Variants in RANBP2 observed in about 807,000 individuals in gnomAD.
The protein encoded by RANBP2 is RAN binding protein 2.
A neutral mutation model predicts 303.6 loss-of-function variants in RANBP2; 57 were observed. That is an observed-to-expected ratio of 0.19 (90% CI 0.15 to 0.23). The LOEUF (loss-of-function observed/expected upper bound fraction) is 0.23, where lower values mean the gene tolerates loss of function less well. RANBP2 is among the 10% of genes least tolerant of loss of function. The pLI, the probability that RANBP2 is intolerant of heterozygous loss-of-function variation, is 1.00. For missense variants in RANBP2, 3,138 were observed against 3,780.8 expected, an observed-to-expected ratio of 0.83 and a Z score of 4.46; for synonymous variants, 1,167 against 1,301.5, an observed-to-expected ratio of 0.90 and a Z score of 2.23.
chr2:109,512,131 G>T, the RANBP2 span, among the ~76,000 whole-genome samples: 1 of 152,122 alleles, frequency 6.6e-6, no homozygotes, highest in Non-Finnish European at 1.5e-5. Flanking sequence ...ACACTTTTAG[G>T]GGGCTTGTCC....
At chr2:109,719,817 C>A in the RANBP2 span, among the ~76,000 whole-genome samples, 2 of 152,152 alleles carry the variant, frequency 1.3e-5, no homozygotes, top group Non-Finnish European at 2.9e-5. Context: ...TAAGCATCGA[C>A]CAAGATGATT....
the RANBP2 span, among the ~76,000 whole-genome samples, chr2:109,403,649 G>A: frequency 6.6e-6 from 1 of 152,206 alleles, no homozygotes; most frequent in Non-Finnish European, 1.5e-5. Context: ...TTTCTTTTAG[G>A]CTGAGGCCAG....
chr2:109,183,659 T>C, the RANBP2 span, among the ~76,000 whole-genome samples: 1 of 152,248 alleles, frequency 6.6e-6, no homozygotes, highest in Non-Finnish European at 1.5e-5. Flanking sequence ...TCTTTGATTC[T>C]GAAAATGTAC....
At chr2:108,798,639 G>A in the RANBP2 span, 1 of 1,387,296 alleles carries the variant, frequency 7.2e-7, no homozygotes, top group Non-Finnish European at 9.9e-7. Context: ...TTTCTTCTTA[G>A]ATTCACTAGT....
the RANBP2 span, among the ~76,000 whole-genome samples, chr2:109,312,188 C>G: frequency 6.6e-6 from 1 of 152,146 alleles, no homozygotes; most frequent in African/African-American, 2.4e-5. Context: ...TAATGAAAAT[C>G]TTACACAATC....
At chr2:109,167,898 G>A in the RANBP2 span, among the ~76,000 whole-genome samples, 19 of 152,130 alleles carry the variant, frequency 1.2e-4, no homozygotes, top group African/African-American at 2.9e-4. Flanking sequence ...CCACTTGACC[G>A]TAAGCTTCAT....
chr2:109,653,173 G>A, the RANBP2 span, among the ~76,000 whole-genome samples: 3 of 152,010 alleles, frequency 2.0e-5, no homozygotes, highest in African/African-American at 7.2e-5. Flanking sequence ...GAGGCGGGTG[G>A]ATCATGAGGT....
the RANBP2 span, among the ~76,000 whole-genome samples, chr2:108,807,659 C>T: frequency 0.8 from 121,264 of 152,122 alleles, 48,653 homozygotes; most frequent in East Asian, 0.95. Flanking sequence ...ATTCTGATGC[C>T]CAGGCAGGAG....
At chr2:108,809,078 C>T in the RANBP2 span, among the ~76,000 whole-genome samples, 1 of 152,102 alleles carries the variant, frequency 6.6e-6, no homozygotes, top group Admixed American at 6.6e-5. Flanking sequence ...AGACTGTCAT[C>T]TCCCTTATTA....
At chr2:109,239,445 C>G in the RANBP2 span, among the ~76,000 whole-genome samples, 1 of 152,312 alleles carries the variant, frequency 6.6e-6, no homozygotes, top group Non-Finnish European at 1.5e-5. Flanking sequence ...GTCTTCCCTG[C>G]TCCTTGCCTC....
chr2:108,772,786 G>C (rs1677600138), intron 22 of RANBP2, 82 bp from the exon 23 acceptor site: 1 of 1,448,412 alleles, frequency 6.9e-7, no homozygotes. Flanking sequence ...CTGGGTCTGT[G>C]GATTATGTTG....
chr2:109,589,306 G>C, the RANBP2 span, among the ~76,000 whole-genome samples: 1 of 152,100 alleles, frequency 6.6e-6, no homozygotes, highest in African/African-American at 2.4e-5. Context: ...GCCAAGGCAG[G>C]CAGGTTACTT....
the RANBP2 span, among the ~76,000 whole-genome samples, chr2:109,378,528 AT>A: frequency 6.6e-6 from 1 of 152,020 alleles, no homozygotes; most frequent in Non-Finnish European, 1.5e-5. Flanking sequence ...ATGCCTGGTA[AT>A]TTTCAGCTGG....
chr2:108,904,545 T>C, the RANBP2 span, among the ~76,000 whole-genome samples: 1 of 151,472 alleles, frequency 6.6e-6, no homozygotes, highest in African/African-American at 2.5e-5. Flanking sequence ...ATAATAGCCG[T>C]TAAGTGGAAA....
rs748340440 is a variant in RANBP2, at chr2:108,729,137, A to T, written c.78A>T (p.Ser26=). ...QGSTPSPRQK[S]MKGFYFAKLY... ...CAACTTTTAATTTTTTTTAGAAGTC[A>T]ATGAAAGGATTCTATTTTGCAAAGC... The change falls in exon 2 of 29, where the codon TCA becomes TCT. Residue 26 remains serine (S), a synonymous_variant. Transcript: ENST00000283195. 1 of 1,571,778 alleles carries T rather than the reference A, an allele frequency of 6.4e-7. No individual in the cohort carries two copies. The highest frequency in any genetic ancestry group is 1.1e-5 in the South Asian group (1 of 89,182).
chr2:109,513,896 G>A, the RANBP2 span, among the ~76,000 whole-genome samples: 1 of 152,210 alleles, frequency 6.6e-6, no homozygotes, highest in Admixed American at 6.5e-5. Context: ...CTACCCCAGG[G>A]GGACCACCGT....
the RANBP2 span, among the ~76,000 whole-genome samples, chr2:109,035,295 C>G: frequency 3.9e-5 from 6 of 152,056 alleles, no homozygotes; most frequent in Non-Finnish European, 5.9e-5. Context: ...TGAGTGTTGA[C>G]TGCTGGTTCC....
chr2:109,512,939 C>T, the RANBP2 span, among the ~76,000 whole-genome samples: 1 of 152,238 alleles, frequency 6.6e-6, no homozygotes, highest in Non-Finnish European at 1.5e-5. Context: ...ACGTGGGTGG[C>T]CTGGCAGCCT....
the RANBP2 span, among the ~76,000 whole-genome samples, chr2:109,200,041 C>T: frequency 6.6e-6 from 1 of 151,916 alleles, no homozygotes; most frequent in Non-Finnish European, 1.5e-5. Context: ...GGACAGCCCC[C>T]CACAGAGAAA....
Sources: allele counts gnomAD v4.1 joint callset (sites outside exome capture counted in the v4.1 genomes callset), GRCh38; gene constraint gnomAD v4.1.1; transcripts MANE v1.5; gene names NCBI Gene and HGNC (gene_info 2026-07-23, HGNC 2026-07-21).